Variants in MIER1 observed in about 807,000 individuals in gnomAD.
MIER1 encodes the protein mesoderm induction early response protein 1.
A neutral mutation model predicts 75.7 loss-of-function variants in MIER1; 40 were observed. The ratio of observed to expected loss-of-function variants is 0.53; its 90% CI spans 0.41 to 0.69. The LOEUF (loss-of-function observed/expected upper bound fraction) is 0.69, where lower values mean the gene tolerates loss of function less well. Among genes scored for constraint, MIER1 ranks in the 30% least tolerant of loss-of-function variants. MIER1 has a pLI of 0.00. For missense variants in MIER1, 574 were observed against 680.2 expected (o/e 0.84, Z 1.74); for synonymous variants, 213 against 223.4 (o/e 0.95, Z 0.42).
chr1:66,969,274 G>A (rs1453812923), intron 8 of MIER1, among the ~76,000 whole-genome samples: 7 of 151,832 alleles, frequency 4.6e-5, no homozygotes, highest in African/African-American at 1.2e-4. Flanking sequence ...GGCCGGGCGC[G>A]GTGGCTCACA....
chr1:66,925,602 G>A, intron 1 of MIER1: 1 of 950,574 alleles, frequency 1.1e-6, no homozygotes, highest in Non-Finnish European at 1.3e-6. Flanking sequence ...GACTCGAATA[G>A]GGTATTACTG....
chr1:66,969,766 C>T (rs950335309), intron 8 of MIER1, among the ~76,000 whole-genome samples: 4 of 152,042 alleles, frequency 2.6e-5, no homozygotes, highest in Non-Finnish European at 4.4e-5. Flanking sequence ...CTTTCTTCAC[C>T]TCTACTCTCT....
intron 3 of MIER1, 169 bp downstream of exon 3, chr1:66,940,221 A>G: frequency 2.2e-6 from 1 of 451,230 alleles, no homozygotes; most frequent in Non-Finnish European, 3.9e-6. Flanking sequence ...ATGAAAGTAC[A>G]GGTGAGGCTA....
At chr1:66,980,488 G>C (rs1665664129) in intron 12 of MIER1, among the ~76,000 whole-genome samples, 1 of 152,204 alleles carries the variant, frequency 6.6e-6, no homozygotes, top group Admixed American at 6.5e-5. Context: ...TATAACCTAG[G>C]AGACAGTGAT....
chr1:66,928,738 C>A, intron 2 of MIER1: 1 of 534,988 alleles, frequency 1.9e-6, no homozygotes, highest in South Asian at 2.8e-5. Flanking sequence ...AATATTTATT[C>A]CCCCAAGGAA....
chr1:66,986,014 A>G lies in MIER1; in HGVS notation c.*1114A>G, dbSNP rs1666736316. ...CTGACCAGAATCCTGTTATTTTTAT[A>G]TGCATCATAAAATTTCCCATTTCTG... On this transcript the variant is annotated 3_prime_UTR_variant, in exon 14 of 14. Transcript: ENST00000401041. 5.0e-6 allele frequency: 5 copies of G among 991,610 alleles called. No individual in the cohort carries two copies. The African/African-American group carries it at 5.2e-5, about 10-fold the overall frequency. 61.4% of individuals were successfully genotyped at this position (991,610 alleles called of 1,614,324 possible).
chr1:66,931,448 A>C (rs539050940), intron 2 of MIER1, among the ~76,000 whole-genome samples: 4 of 152,228 alleles, frequency 2.6e-5, no homozygotes, highest in African/African-American at 9.6e-5. Flanking sequence ...AGCCACTGTA[A>C]ATTTTGATTG....
chr1:66,933,407 T>G (rs1321125899), intron 2 of MIER1, among the ~76,000 whole-genome samples: 2 of 152,198 alleles, frequency 1.3e-5, no homozygotes, highest in East Asian at 3.8e-4. Flanking sequence ...CACATTTCTG[T>G]GATATAAAGA....
At chr1:66,933,044 T>C (rs1364625329) in intron 2 of MIER1, among the ~76,000 whole-genome samples, 1 of 152,202 alleles carries the variant, frequency 6.6e-6, no homozygotes, top group African/African-American at 2.4e-5. Flanking sequence ...CCGTATTTAA[T>C]GTACTTAGAA....
chr1:66,925,750 C>A (rs1651557935), intron 1 of MIER1, among the ~76,000 whole-genome samples: 1 of 152,160 alleles, frequency 6.6e-6, no homozygotes, highest in Admixed American at 6.5e-5. Flanking sequence ...TGCTGTGTAA[C>A]CTTGAGCGAG....
chr1:66,964,846 T>G (rs960707526), intron 8 of MIER1, among the ~76,000 whole-genome samples: 4 of 152,210 alleles, frequency 2.6e-5, no homozygotes, highest in Non-Finnish European at 5.9e-5. Flanking sequence ...ACATTTCAAC[T>G]TAATATACAC....
Position 66,984,579 on chromosome 1 carries a change from A to T in MIER1, c.1377A>T (p.Ser459=). ...TVSTANQNGV[S]SNGPGEILNK... is the part of the protein sequence containing the mutation. ...ATATTTCTTTCAACTTAGGAGTGTC[A>T]TCTAATGGACCAGGTGAAATATTAA... Residue 459 remains serine (S), a synonymous_variant, in exon 14 of 14, where the codon TCA becomes TCT. Coordinates refer to ENST00000401041, the MANE Select transcript of MIER1 (RefSeq NM_001077700.3). 1 of 1,587,226 alleles carries T rather than the reference A, an allele frequency of 6.3e-7. No homozygotes were observed. The highest frequency in any genetic ancestry group is 2.2e-5 in the East Asian group (1 of 44,618).
chr1:66,949,637 A>C (rs1385606497), intron 4 of MIER1, among the ~76,000 whole-genome samples: 1 of 152,212 alleles, frequency 6.6e-6, no homozygotes, highest in Non-Finnish European at 1.5e-5. Flanking sequence ...TTTTGGGGCC[A>C]ATTTGTTGGA....
intron 4 of MIER1, chr1:66,947,694 T>A (rs1294550425): frequency 6.6e-6 from 1 of 152,338 alleles, no homozygotes; most frequent in Admixed American, 6.5e-5. Flanking sequence ...AAAATGTAAA[T>A]CAATTAATAT....
At chr1:66,974,317 A>G (rs1664256727) in intron 11 of MIER1, among the ~76,000 whole-genome samples, 1 of 152,184 alleles carries the variant, frequency 6.6e-6, no homozygotes, top group Admixed American at 6.5e-5. Flanking sequence ...AAATATAGTT[A>G]ACATTCAAGA....
intron 4 of MIER1, among the ~76,000 whole-genome samples, chr1:66,957,512 G>A (rs2101681804): frequency 6.6e-6 from 1 of 151,792 alleles, no homozygotes; most frequent in African/African-American, 2.4e-5. Flanking sequence ...TATGTAAATG[G>A]AGATAACCAT....
At chr1:66,954,730 G>C (rs1203561957) in intron 4 of MIER1, among the ~76,000 whole-genome samples, 1 of 150,148 alleles carries the variant, frequency 6.7e-6, no homozygotes, top group Non-Finnish European at 1.5e-5. Context: ...TCTTGAGACA[G>C]AGTCTCAACT....
At position 66,981,853 on chromosome 1, in the gene MIER1, C is replaced by T. The variant is rs562263606; in HGVS notation, c.1304C>T (p.Ala435Val). The T allele has an allele frequency of 5.6e-6, 9 of 1,614,034 alleles. No homozygotes were observed. The highest frequency in any genetic ancestry group is 1.7e-5 in the Admixed American group (1 of 60,026). ...SSRAPSPPPT[A>V]SNSSNSQSEK... ...CGAGCACCATCCCCTCCCCCAACTGCATCAAACAGTAGTAACAGCCAGTCT... is the reference window on the plus strand; with the variant it reads ...CGAGCACCATCCCCTCCCCCAACTGTATCAAACAGTAGTAACAGCCAGTCT... The change falls in exon 13 of 14, where the codon GCA (alanine) becomes GTA (valine). Residue 435 changes from alanine (A) to valine (V), a missense_variant. Ala to Val is a moderately conservative substitution (Grantham distance 64). Coordinates refer to ENST00000401041, the MANE Select transcript of MIER1 (RefSeq NM_001077700.3).
In MIER1 at chr1:66,958,116, C is replaced by T; in HGVS notation, c.397C>T (p.Arg133Ter). 1 of 1,608,124 alleles carries T rather than the reference C, an allele frequency of 6.2e-7. No individual in the cohort carries two copies. The highest frequency in any genetic ancestry group is 8.5e-7 in the Non-Finnish European group (1 of 1,175,320). Residue 133 changes from arginine to a stop codon, truncating the protein, a stop_gained, in exon 5 of 14, where the codon CGA (arginine) becomes TGA (stop). Transcript: ENST00000401041. LOFTEE classifies it high-confidence loss of function. ...CCTTTATGGTTATGGTAGTACTGTT[C>T]GACTACCTGAAGAAGATGAGGAAGA... Reference protein sequence around the residue: ...LSLYGYGSTVRLPEEDEEEEE... With the variant: ...LSLYGYGSTV
Sources: allele counts gnomAD v4.1 joint callset (sites outside exome capture counted in the v4.1 genomes callset), GRCh38; gene constraint gnomAD v4.1.1; transcripts MANE v1.5; gene names NCBI Gene and HGNC (gene_info 2026-07-23, HGNC 2026-07-21).